Variants in KCNH1 observed in about 807,000 individuals in gnomAD.
KCNH1 encodes the protein voltage-gated delayed rectifier potassium channel KCNH1.
Under a neutral mutation model 69.2 loss-of-function variants are expected in KCNH1, and 27 were observed. That is an observed-to-expected ratio of 0.39 (90% CI 0.29 to 0.54). KCNH1 has a LOEUF of 0.54. Among genes scored for constraint, KCNH1 ranks in the 20% least tolerant of loss-of-function variants. The probability of loss-of-function intolerance (pLI) is 0.68; values close to 1 mark genes in which losing one functional copy is unlikely to be tolerated. For missense variants in KCNH1, 798 were observed against 1,261.6 expected (o/e 0.63, Z 5.57); for synonymous variants, 456 against 487.7 (o/e 0.93, Z 0.86).
chr1:211,028,429 C>T (rs934394071), intron 5 of KCNH1, among the ~76,000 whole-genome samples: 1 of 150,954 alleles, frequency 6.6e-6, no homozygotes, highest in Non-Finnish European at 1.5e-5. Flanking sequence ...AAAACTAAAG[C>T]AAGCAGAAGG....
intron 9 of KCNH1, among the ~76,000 whole-genome samples, chr1:210,782,951 T>G (rs540926661): frequency 2.0e-5 from 3 of 152,176 alleles, no homozygotes; most frequent in Non-Finnish European, 4.4e-5. Context: ...CTATGGTACT[T>G]TATTATGGCA....
In KCNH1 at chr1:211,133,512, G is replaced by C. The variant is rs1384118920; in HGVS notation, c.79+355C>G. The stretch of plus-strand genomic sequence containing the variant: ...CCCCAGAGCCTTCGCGGAAGGGTGG[G>C]CAGTGCCGATGGGGCGCGCGCTGCC... On this transcript the variant is annotated intron_variant, in intron 1 of 10. Coordinates refer to ENST00000271751, the MANE Select transcript of KCNH1 (RefSeq NM_172362.3). The surrounding 1 kb of genome is among the most constrained non-coding windows in gnomAD (Gnocchi z 5.4). The C allele has an allele frequency of 6.0e-6, 1 of 167,534 alleles. No individual in the cohort carries two copies. The highest frequency in any genetic ancestry group is 1.3e-5 in the Non-Finnish European group (1 of 78,378). 10.4% of individuals were successfully genotyped at this position (167,534 alleles called of 1,614,324 possible).
chr1:210,696,079 T>C (rs1455795751), intron 10 of KCNH1, among the ~76,000 whole-genome samples: 1 of 152,234 alleles, frequency 6.6e-6, no homozygotes, highest in South Asian at 2.1e-4. Context: ...CTCAGCTGTG[T>C]ACCTGGGCAG....
intron 1 of KCNH1, among the ~76,000 whole-genome samples, chr1:211,130,416 C>T (rs1183165930): frequency 1.3e-5 from 2 of 152,114 alleles, no homozygotes; most frequent in South Asian, 2.1e-4. Flanking sequence ...CCTAAACAGT[C>T]GCAGCCGGTC....
intron 5 of KCNH1, among the ~76,000 whole-genome samples, chr1:211,044,469 C>T (rs1394179240): frequency 1.3e-5 from 2 of 152,170 alleles, no homozygotes; most frequent in African/African-American, 4.8e-5. Flanking sequence ...GCAGAGTAAA[C>T]AGACAACCCA....
intron 10 of KCNH1, among the ~76,000 whole-genome samples, chr1:210,695,128 ATTC>A (rs1402819203): frequency 6.6e-6 from 1 of 152,226 alleles, no homozygotes; most frequent in Admixed American, 6.5e-5. Context: ...GCACTGCTCT[ATTC>A]TTAGCCATGG....
intron 1 of KCNH1, among the ~76,000 whole-genome samples, chr1:211,121,978 A>G (rs1391671745): frequency 6.6e-6 from 1 of 152,114 alleles, no homozygotes; most frequent in Non-Finnish European, 1.5e-5. Context: ...TACTAAAAAA[A>G]TACAAAAAAA....
chr1:211,075,267 T>C (rs1034680852), intron 5 of KCNH1, among the ~76,000 whole-genome samples: 22 of 152,236 alleles, frequency 1.4e-4, no homozygotes, highest in Non-Finnish European at 2.5e-4. Context: ...TTGTCCAAAA[T>C]GGTACAAATG....
At chr1:210,839,423 T>C (rs1195830922) in intron 7 of KCNH1, among the ~76,000 whole-genome samples, 1 of 151,736 alleles carries the variant, frequency 6.6e-6, no homozygotes, top group African/African-American at 2.4e-5. Flanking sequence ...CTGGGGCCTG[T>C]TGGAAGGTGA....
At chr1:210,982,241 TATTATTATA>T (rs1008628789) in intron 6 of KCNH1, among the ~76,000 whole-genome samples, 3 of 151,574 alleles carry the variant, frequency 2.0e-5, no homozygotes, top group Non-Finnish European at 2.9e-5. Context: ...TTATTATTAT[TATTATTATA>T]AAGTTTTAGG....
chr1:210,872,950 A>G (rs552956488), intron 7 of KCNH1, among the ~76,000 whole-genome samples: 1 of 152,134 alleles, frequency 6.6e-6, no homozygotes, highest in Admixed American at 6.5e-5. Flanking sequence ...TATCCTCAAT[A>G]CTTTAATTTT....
intron 7 of KCNH1, among the ~76,000 whole-genome samples, chr1:210,875,690 C>T (rs935732135): frequency 7.9e-5 from 12 of 151,836 alleles, no homozygotes; most frequent in Admixed American, 6.6e-4. Context: ...GTAATCCCAG[C>T]TACTCGGGAA....
At chr1:210,706,111 A>G (rs1681907343) in intron 10 of KCNH1, among the ~76,000 whole-genome samples, 1 of 152,206 alleles carries the variant, frequency 6.6e-6, no homozygotes, top group South Asian at 2.1e-4. Context: ...CCTTTTGCCA[A>G]TTAGTTCTAA....
intron 10 of KCNH1, among the ~76,000 whole-genome samples, chr1:210,739,812 C>A (rs767262639): frequency 1.3e-5 from 2 of 152,160 alleles, no homozygotes; most frequent in African/African-American, 2.4e-5. Context: ...AGTTGATCAG[C>A]ACCCAGGACA....
At chr1:210,893,902 A>AT (rs1158473719) in intron 7 of KCNH1, among the ~76,000 whole-genome samples, 6 of 152,102 alleles carry the variant, frequency 3.9e-5, no homozygotes, top group Non-Finnish European at 8.8e-5. Flanking sequence ...TACCTAATGC[A>AT]TTTTTTATCT....
intron 7 of KCNH1, among the ~76,000 whole-genome samples, chr1:210,814,997 G>A (rs1207564832): frequency 6.6e-6 from 1 of 152,178 alleles, no homozygotes; most frequent in African/African-American, 2.4e-5. Flanking sequence ...TGAAGAGACT[G>A]TCTCAAAGAG....
rs549893544 is a variant in KCNH1 at position 211,081,667 on chromosome 1, C to T, written c.558+1113G>A. Among the ~76,000 whole-genome samples, 3 of 152,250 alleles carry T rather than the reference C, an allele frequency of 2.0e-5. No homozygotes were observed. The East Asian group carries it at 5.8e-4, about 29-fold the overall frequency. ...AAAAAGGATGAGTTCATGTCCTTTG[C>T]AGGGACATGGATGCAGCTGGAAACC... On this transcript the variant is annotated intron_variant, in intron 5 of 10. Transcript: ENST00000271751.
chr1:211,069,899 T>C (rs193235079), intron 5 of KCNH1, among the ~76,000 whole-genome samples: 190 of 152,330 alleles, frequency 1.2e-3, no homozygotes, highest in African/African-American at 4.5e-3. Flanking sequence ...AAATAGGCTA[T>C]TTTAGAGAAT....
At chr1:211,088,586 C>T (rs1261691477) in intron 4 of KCNH1, among the ~76,000 whole-genome samples, 1 of 152,194 alleles carries the variant, frequency 6.6e-6, no homozygotes, top group African/African-American at 2.4e-5. Context: ...AAGGTTTGAA[C>T]ATATCTGCCA....
Sources: allele counts gnomAD v4.1 joint callset (sites outside exome capture counted in the v4.1 genomes callset), GRCh38; gene constraint gnomAD v4.1.1; non-coding constraint Gnocchi (gnomAD v3.1); transcripts MANE v1.5; gene names NCBI Gene and HGNC (gene_info 2026-07-23, HGNC 2026-07-21).